CRYZ: variants seen among roughly 807,000 people sequenced by gnomAD.
CRYZ encodes the protein crystallin zeta.
In CRYZ, 35 loss-of-function variants were observed where a neutral mutation model predicts 34.1. That is an observed-to-expected ratio of 1.03 (90% confidence interval 0.78 to 1.36). CRYZ has a LOEUF of 1.36. Among genes scored for constraint, CRYZ ranks in the 40% most tolerant of loss-of-function variants. CRYZ has a pLI of 0.00. For missense variants in CRYZ, 403 were observed against 391.8 expected (o/e 1.03, Z -0.24); for synonymous variants, 137 against 136.5 (o/e 1.00, Z -0.03).
At position 74,713,079 on chromosome 1, in the gene CRYZ, AC is replaced by A. The variant is rs1478739432; in HGVS notation, c.480+1499del. ...AAACAGAAGCAAGGCAAAACCCAGT[AC>A]TGTTTCCCTCTGATAGGACAGGGAG... On this transcript the variant is annotated intron_variant, in intron 5 of 8. Coordinates refer to ENST00000340866, the MANE Select transcript of CRYZ (RefSeq NM_001889.4). 9.9e-5 allele frequency among the ~76,000 whole-genome samples: 15 copies of A among 152,212 alleles called. No individual in the cohort carries two copies. In the South Asian group the frequency reaches 2.5e-3, roughly 25 times the overall value.
At chr1:74,708,084 G>A (rs1298169654) in intron 6 of CRYZ, 1 of 152,162 alleles carries the variant, frequency 6.6e-6, no homozygotes, top group East Asian at 1.9e-4. Flanking sequence ...AGCTAGACCT[G>A]AGGCTGAGTC....
chr1:74,723,727 TGGA>T (rs1647208487), intron 2 of CRYZ, among the ~76,000 whole-genome samples: 1 of 152,220 alleles, frequency 6.6e-6, no homozygotes, highest in East Asian at 1.9e-4. Flanking sequence ...TCTTCTTCCA[TGGA>T]GACCCTGAAG....
At chr1:74,730,232 TGAC>T (rs1376502302) in intron 1 of CRYZ, 1 of 152,212 alleles carries the variant, frequency 6.6e-6, no homozygotes, top group Non-Finnish European at 1.5e-5. Flanking sequence ...CAGTACTATC[TGAC>T]TACATTATCC....
In CRYZ at chr1:74,713,306, TC is replaced by T. The variant is rs574635958; in HGVS notation, c.480+1272del. Reference sequence around the variant, plus strand: ...TCTCTCCCCTTCCTACTGAAATCTTTCCCTTCTGCACAGAGCACTAAGTTAG... The same window carrying T: ...TCTCTCCCCTTCCTACTGAAATCTTTCCTTCTGCACAGAGCACTAAGTTAG... On this transcript the variant is annotated intron_variant, in intron 5 of 8. Coordinates refer to ENST00000340866, the MANE Select transcript of CRYZ (RefSeq NM_001889.4). Among the ~76,000 whole-genome samples the T allele has an allele frequency of 4.7e-3, 715 of 152,316 alleles. 5 individuals carry two copies. Among genetic ancestry groups the T allele is most frequent in the Middle Eastern group, 0.017 (5 of 294 alleles).
Position 74,723,117 on chromosome 1 carries a change from C to T in CRYZ, c.264+1G>A, listed in dbSNP as rs750202286. 1 of 1,609,804 alleles carries T rather than the reference C, an allele frequency of 6.2e-7. No individual in the cohort carries two copies. The highest frequency in any genetic ancestry group is 1.1e-5 in the South Asian group (1 of 89,628). On this transcript the variant is annotated splice_donor_variant, in intron 3 of 8. Coordinates refer to ENST00000340866, the MANE Select transcript of CRYZ (RefSeq NM_001889.4). LOFTEE classifies it high-confidence loss of function. ...AATAGAAATAATTAAAAATGCAATA[C>T]CTTGAAAGCAGATGCATTATCTCCA...
Position 74,712,397 on chromosome 1 carries a change from G to A in CRYZ, c.481-2150C>T, listed in dbSNP as rs1647016809. On this transcript the variant is annotated intron_variant, in intron 5 of 8. Transcript: ENST00000340866. ...ATTGCCAAATGTCCCAGAGCGGAAGGAGAAATGATGCAAAATCACCCGCTA... is the reference window on the plus strand; with the variant it reads ...ATTGCCAAATGTCCCAGAGCGGAAGAAGAAATGATGCAAAATCACCCGCTA... Among the ~76,000 whole-genome samples the A allele has an allele frequency of 1.3e-5, 2 of 152,202 alleles. 1 individual carries two copies. The highest frequency in any genetic ancestry group is 4.8e-5 in the African/African-American group (2 of 41,446).
intron 1 of CRYZ, among the ~76,000 whole-genome samples, chr1:74,727,458 CAAAAAAAAAAAAAA>C (rs3041452): frequency 1.4e-5 from 1 of 71,920 alleles, no homozygotes; most frequent in Non-Finnish European, 2.6e-5. Flanking sequence ...CTAAAAAATA[CAAAAAAAAAAAAAA>C]AAAAAAAAAA....
intron 3 of CRYZ, among the ~76,000 whole-genome samples, chr1:74,721,879 T>C (rs1423556969): frequency 1.3e-5 from 2 of 152,218 alleles, no homozygotes; most frequent in Admixed American, 6.5e-5. Flanking sequence ...TCCAGCAGGA[T>C]AGCCACTGGA....
In CRYZ at chr1:74,723,115, T is replaced by C. The variant is rs376130588; in HGVS notation, c.264+3A>G. The C allele has an allele frequency of 1.5e-4, 239 of 1,606,910 alleles. No homozygotes were observed. The highest frequency in any genetic ancestry group is 1.8e-4 in the Non-Finnish European group (217 of 1,178,282). On this transcript the variant is annotated splice_donor_region_variant and intron_variant, in intron 3 of 8. Coordinates refer to ENST00000340866, the MANE Select transcript of CRYZ (RefSeq NM_001889.4). ...AAAATAGAAATAATTAAAAATGCAA[T>C]ACCTTGAAAGCAGATGCATTATCTC...
chr1:74,730,858 C>T (rs1204639888), intron 1 of CRYZ, among the ~76,000 whole-genome samples: 1 of 152,140 alleles, frequency 6.6e-6, no homozygotes, highest in African/African-American at 2.4e-5. Context: ...AACTAACCTG[C>T]AGGTAGAATC....
rs576873904 is a variant in CRYZ, at chr1:74,725,358, G to C, written c.-13-524C>G. ...CTAGGGAGGTCTCACAATCATGGTG[G>C]AAGGCAAAGGAGAAGCAATGGCATG... On this transcript the variant is annotated intron_variant, in intron 1 of 8. Transcript: ENST00000340866. 2.0e-5 allele frequency among the ~76,000 whole-genome samples: 3 copies of C among 152,312 alleles called. No homozygotes were observed. In the East Asian group the frequency reaches 5.8e-4, roughly 29 times the overall value.
At chr1:74,729,368 A>T (rs1208832060) in intron 1 of CRYZ, among the ~76,000 whole-genome samples, 1 of 151,576 alleles carries the variant, frequency 6.6e-6, no homozygotes, top group Non-Finnish European at 1.5e-5. Context: ...TATAGTAGAC[A>T]TCATTATTGT....
chr1:74,724,907 G>A (rs1474151330), intron 1 of CRYZ, 73 bp from the exon 2 acceptor site: 1 of 807,102 alleles, frequency 1.2e-6, no homozygotes, highest in Non-Finnish European at 2.0e-6. Context: ...CCCCTGGAGG[G>A]AGCAGATCAA....
At chr1:74,730,674 C>CA (rs1303115277) in intron 1 of CRYZ, among the ~76,000 whole-genome samples, 1 of 152,178 alleles carries the variant, frequency 6.6e-6, no homozygotes, top group African/African-American at 2.4e-5. Flanking sequence ...CAGGGTCACA[C>CA]AGAAGCAAAG....
At chr1:74,719,801 A>C (rs1480896140) in intron 3 of CRYZ, among the ~76,000 whole-genome samples, 1 of 152,088 alleles carries the variant, frequency 6.6e-6, no homozygotes, top group East Asian at 1.9e-4. Context: ...GCCATAAATC[A>C]TTTTAAAATA....
intron 4 of CRYZ, among the ~76,000 whole-genome samples, chr1:74,715,487 C>T (rs761114003): frequency 6.6e-6 from 1 of 152,160 alleles, no homozygotes; most frequent in African/African-American, 2.4e-5. Context: ...GAACATTATG[C>T]TCCACCTGGG....
intron 6 of CRYZ, among the ~76,000 whole-genome samples, chr1:74,709,361 G>A (rs557925197): frequency 1.3e-5 from 2 of 152,254 alleles, no homozygotes; most frequent in Non-Finnish European, 2.9e-5. Flanking sequence ...AGGTTCCCCA[G>A]ACGTATAACA....
intron 3 of CRYZ, among the ~76,000 whole-genome samples, chr1:74,722,619 T>C (rs1291818068): frequency 6.6e-6 from 1 of 152,056 alleles, no homozygotes; most frequent in African/African-American, 2.4e-5. Context: ...TGTGTGTGTG[T>C]GTATATATAT....
chr1:74,730,005 C>T lies in CRYZ; in HGVS notation c.-14+2951G>A, dbSNP rs890965959. ...ACACACATAGCCTATGAGATGCTTG[C>T]TTTTTCCATTTTCGATATCTACCTA... On this transcript the variant is annotated intron_variant, in intron 1 of 8. Transcript: ENST00000340866. 1.2e-4 allele frequency among the ~76,000 whole-genome samples: 18 copies of T among 152,068 alleles called. 1 individual carries two copies. The highest frequency in any genetic ancestry group is 1.0e-3 in the Admixed American group (16 of 15,270).
Sources: allele counts gnomAD v4.1 joint callset (sites outside exome capture counted in the v4.1 genomes callset), GRCh38; gene constraint gnomAD v4.1.1; transcripts MANE v1.5; gene names NCBI Gene and HGNC (gene_info 2026-07-23, HGNC 2026-07-21).